Variants in GRID1 observed in about 807,000 individuals in gnomAD.
The protein encoded by GRID1 is glutamate receptor ionotropic, delta-1.
A neutral mutation model predicts 98.0 loss-of-function variants in GRID1; 28 were observed. The ratio of observed to expected loss-of-function variants is 0.29; its 90% CI spans 0.21 to 0.39. The LOEUF (loss-of-function observed/expected upper bound fraction) is 0.39. Among genes scored for constraint, GRID1 ranks in the 10% least tolerant of loss-of-function variants. The pLI is 1.00. For missense variants in GRID1, 1,111 were observed against 1,340.5 expected (o/e 0.83, Z 2.67); for synonymous variants, 553 against 538.5 (o/e 1.03, Z -0.37).
At chr10:86,130,714 T>G (rs1226958884) in intron 4 of GRID1, among the ~76,000 whole-genome samples, 1 of 152,206 alleles carries the variant, frequency 6.6e-6, no homozygotes, top group Non-Finnish European at 1.5e-5. Context: ...ATCCTTTAAC[T>G]TGTCTGTGTG....
rs550914397 is a variant in GRID1 at position 86,244,135 on chromosome 10, C to T, written c.236-37487G>A. Among the ~76,000 whole-genome samples the T allele has an allele frequency of 2.0e-5, 3 of 152,336 alleles. No individual in the cohort carries two copies. In the South Asian group the frequency reaches 6.2e-4, roughly 32 times the overall value. On this transcript the variant is annotated intron_variant, in intron 2 of 15. Transcript: ENST00000327946. ...TCAGGGTGAGGGCTGATAGTGGGAC[C>T]TGGCCAGGGAATTTTTTTTTAACCA...
At chr10:86,211,607 G>A (rs974874245) in intron 2 of GRID1, among the ~76,000 whole-genome samples, 6 of 152,100 alleles carry the variant, frequency 3.9e-5, no homozygotes, top group African/African-American at 9.7e-5. Context: ...TCCAGACAGC[G>A]GACTCTCAGG....
intron 3 of GRID1, among the ~76,000 whole-genome samples, chr10:86,176,525 C>T (rs1036369390): frequency 6.6e-6 from 1 of 152,184 alleles, no homozygotes; most frequent in Non-Finnish European, 1.5e-5. Context: ...TTCAGCACTG[C>T]CGGAGACCAA....
chr10:85,889,159 G>A (rs2131808245), intron 5 of GRID1, among the ~76,000 whole-genome samples: 1 of 152,296 alleles, frequency 6.6e-6, no homozygotes, highest in South Asian at 2.1e-4. Context: ...AGTGTTTGCA[G>A]TTCAACAATC....
intron 2 of GRID1, among the ~76,000 whole-genome samples, chr10:86,326,792 AG>A (rs1848056982): frequency 6.6e-6 from 1 of 152,214 alleles, no homozygotes; most frequent in Admixed American, 6.5e-5. Context: ...CAGGTTACCC[AG>A]GAGGAAACCA....
At chr10:85,775,545 G>A (rs928890267) in intron 8 of GRID1, among the ~76,000 whole-genome samples, 6 of 152,102 alleles carry the variant, frequency 3.9e-5, no homozygotes, top group African/African-American at 1.4e-4. Flanking sequence ...AGGAGGAAGG[G>A]AGGGGAGAGT....
At chr10:85,734,943 T>A (rs1244063968) in intron 8 of GRID1, among the ~76,000 whole-genome samples, 1 of 152,084 alleles carries the variant, frequency 6.6e-6, no homozygotes, top group African/African-American at 2.4e-5. Context: ...CATGCATCCC[T>A]CCCCCATCCT....
intron 4 of GRID1, among the ~76,000 whole-genome samples, chr10:85,959,175 GC>G (rs1842233604): frequency 6.6e-6 from 1 of 152,106 alleles, no homozygotes; most frequent in African/African-American, 2.4e-5. Context: ...CTCCAAAAGT[GC>G]CTGAGCCAAT....
At chr10:86,019,451 C>T (rs1843021509) in intron 4 of GRID1, among the ~76,000 whole-genome samples, 2 of 152,222 alleles carry the variant, frequency 1.3e-5, no homozygotes, top group Non-Finnish European at 2.9e-5. Flanking sequence ...GGCTTCGGGG[C>T]ATGGGGCATT....
chr10:85,941,896 G>A (rs1842001229), intron 4 of GRID1, among the ~76,000 whole-genome samples: 3 of 152,158 alleles, frequency 2.0e-5, no homozygotes, highest in Admixed American at 2.0e-4. Context: ...TTTTCCCTGT[G>A]GCTTTAACTG....
chr10:86,203,696 T>C (rs1389575809), intron 3 of GRID1, among the ~76,000 whole-genome samples: 1 of 151,762 alleles, frequency 6.6e-6, no homozygotes, highest in Non-Finnish European at 1.5e-5. Context: ...GCTAGCACCC[T>C]GGACAGCGCC....
intron 8 of GRID1, among the ~76,000 whole-genome samples, chr10:85,846,652 A>G (rs758269675): frequency 4.6e-5 from 7 of 152,242 alleles, no homozygotes; most frequent in Non-Finnish European, 8.8e-5. Flanking sequence ...AACTGCTGTC[A>G]AGTCTAATCA....
intron 5 of GRID1, among the ~76,000 whole-genome samples, chr10:85,901,618 A>G (rs1383567271): frequency 6.6e-6 from 1 of 152,190 alleles, no homozygotes; most frequent in Non-Finnish European, 1.5e-5. Context: ...GGAGGTAACT[A>G]TCACAAAGTC....
chr10:85,838,680 G>A (rs973107399), intron 8 of GRID1, among the ~76,000 whole-genome samples: 4 of 152,264 alleles, frequency 2.6e-5, no homozygotes, highest in East Asian at 3.9e-4. Flanking sequence ...ATACTTACCA[G>A]CTACTACAAA....
At chr10:85,858,999 A>C (rs1258022181) in intron 6 of GRID1, among the ~76,000 whole-genome samples, 1 of 152,210 alleles carries the variant, frequency 6.6e-6, no homozygotes, top group Non-Finnish European at 1.5e-5. Flanking sequence ...GTCTTCCCAC[A>C]AGTATGTCTG....
chr10:86,048,654 T>G (rs755928183), intron 4 of GRID1, among the ~76,000 whole-genome samples: 150 of 152,302 alleles, frequency 9.8e-4, no homozygotes, highest in Admixed American at 1.2e-3. Flanking sequence ...GGGTTCTGGG[T>G]GAGTGCTTGT....
intron 8 of GRID1, among the ~76,000 whole-genome samples, chr10:85,758,295 T>A (rs1223306830): frequency 6.6e-6 from 1 of 152,224 alleles, no homozygotes; most frequent in Non-Finnish European, 1.5e-5. Flanking sequence ...TTGCTCACTC[T>A]TTTGCAGTTT....
chr10:86,349,566 G>A (rs1848435394), intron 2 of GRID1, among the ~76,000 whole-genome samples: 1 of 152,214 alleles, frequency 6.6e-6, no homozygotes, highest in South Asian at 2.1e-4. Flanking sequence ...CCAGGGAGAG[G>A]CAGTGCCATC....
intron 8 of GRID1, among the ~76,000 whole-genome samples, chr10:85,834,287 A>G (rs1842894087): frequency 6.6e-6 from 1 of 152,180 alleles, no homozygotes; most frequent in East Asian, 1.9e-4. Flanking sequence ...AGAATATGAA[A>G]CTATGGTAAT....
Sources: allele counts gnomAD v4.1 joint callset (sites outside exome capture counted in the v4.1 genomes callset), GRCh38; gene constraint gnomAD v4.1.1; transcripts MANE v1.5; gene names NCBI Gene and HGNC (gene_info 2026-07-23, HGNC 2026-07-21).